Variants in GALNTL6 observed in about 807,000 individuals in gnomAD.
GALNTL6 encodes polypeptide N-acetylgalactosaminyltransferase-like 6.
Under a neutral mutation model 73.7 loss-of-function variants are expected in GALNTL6, and 46 were observed. That is an observed-to-expected ratio of 0.62 (90% confidence interval 0.49 to 0.80). The LOEUF is 0.80. GALNTL6 is among the 30% of genes least tolerant of loss of function. GALNTL6 has a pLI of 0.00. For synonymous variants in GALNTL6, 259 were observed against 263.7 expected, an observed-to-expected ratio of 0.98 and a Z score of 0.17; for missense variants, 604 against 755.0, an observed-to-expected ratio of 0.80 and a Z score of 2.34.
intron 5 of GALNTL6, among the ~76,000 whole-genome samples, chr4:172,432,831 C>G (rs1731505218): frequency 6.6e-6 from 1 of 151,896 alleles, no homozygotes; most frequent in Non-Finnish European, 1.5e-5. Context: ...AAAGAAGAAA[C>G]TGTTCAACAG....
intron 3 of GALNTL6, among the ~76,000 whole-genome samples, chr4:172,251,299 T>TG (rs2111014967): frequency 6.6e-6 from 1 of 152,234 alleles, no homozygotes; most frequent in African/African-American, 2.4e-5. Context: ...TTAAAGCAGG[T>TG]GGGGAGTAAT....
intron 5 of GALNTL6, among the ~76,000 whole-genome samples, chr4:172,633,576 A>G (rs570875431): frequency 6.6e-6 from 1 of 152,250 alleles, no homozygotes; most frequent in South Asian, 2.1e-4. Flanking sequence ...GCCTTGTCTC[A>G]GATAAGACTT....
chr4:172,368,595 T>C (rs1432895419), intron 5 of GALNTL6, among the ~76,000 whole-genome samples: 1 of 152,228 alleles, frequency 6.6e-6, no homozygotes, highest in Non-Finnish European at 1.5e-5. Context: ...TGTCAAGTGC[T>C]GTTGTGTCCG....
chr4:172,633,364 G>C (rs1739499791), intron 5 of GALNTL6, among the ~76,000 whole-genome samples: 1 of 152,222 alleles, frequency 6.6e-6, no homozygotes, highest in Admixed American at 6.5e-5. Context: ...GTAAGACATG[G>C]AGTCAAAGAC....
At chr4:172,346,144 ATC>A (rs1741730416) in intron 4 of GALNTL6, among the ~76,000 whole-genome samples, 1 of 152,206 alleles carries the variant, frequency 6.6e-6, no homozygotes, top group Non-Finnish European at 1.5e-5. Flanking sequence ...GCTAGAGCTT[ATC>A]TCTCATGAGC....
chr4:172,324,535 C>T lies in GALNTL6; in HGVS notation c.386+12783C>T, dbSNP rs201342775. Among the ~76,000 whole-genome samples the T allele has an allele frequency of 8.6e-4, 130 of 151,058 alleles. 2 individuals carry two copies. The South Asian group carries it at 0.016, about 18-fold the overall frequency. ...ACTGAAATAGACCAAAAAATTAAGTCGGAATATAGGAGATTTAAACAAAAT... is the reference window on the plus strand; with the variant it reads ...ACTGAAATAGACCAAAAAATTAAGTTGGAATATAGGAGATTTAAACAAAAT... On this transcript the variant is annotated intron_variant, in intron 4 of 12. Coordinates refer to ENST00000506823, the MANE Select transcript of GALNTL6 (RefSeq NM_001034845.3).
intron 8 of GALNTL6, among the ~76,000 whole-genome samples, chr4:172,914,969 C>G (rs1262455807): frequency 1.3e-5 from 2 of 152,208 alleles, no homozygotes; most frequent in Non-Finnish European, 2.9e-5. Flanking sequence ...CCACATCGCA[C>G]TTATTTCAAA....
chr4:172,855,774 C>A (rs911291810), intron 7 of GALNTL6, among the ~76,000 whole-genome samples: 1 of 152,202 alleles, frequency 6.6e-6, no homozygotes, highest in Non-Finnish European at 1.5e-5. Context: ...ACAGCTGTTT[C>A]CCGAGGCCAC....
chr4:173,016,157 T>A (rs1042889645), intron 11 of GALNTL6, among the ~76,000 whole-genome samples: 14 of 152,212 alleles, frequency 9.2e-5, no homozygotes, highest in Non-Finnish European at 1.8e-4. Context: ...TGCCTGGCTG[T>A]CCGGGCAGAG....
rs375320808 is a variant in GALNTL6 at position 172,400,171 on chromosome 4, G to A, written c.553+51482G>A. Among the ~76,000 whole-genome samples, 5 of 152,134 alleles carry A rather than the reference G, an allele frequency of 3.3e-5. No homozygotes were observed. In the East Asian group the frequency reaches 7.7e-4, roughly 24 times the overall value. On this transcript the variant is annotated intron_variant, in intron 5 of 12. Coordinates refer to ENST00000506823, the MANE Select transcript of GALNTL6 (RefSeq NM_001034845.3). ...TACTTGCTTTCTTTGTGTCCTTTTT[G>A]TCTAACAAATACATGCTTTGGTGCT... is the stretch of plus-strand genomic sequence containing the variant.
intron 2 of GALNTL6, among the ~76,000 whole-genome samples, chr4:171,886,840 T>C (rs1560826760): frequency 6.6e-6 from 1 of 152,044 alleles, no homozygotes; most frequent in Non-Finnish European, 1.5e-5. Context: ...GAGAATATAA[T>C]AATCCAGGAA....
Position 172,348,704 on chromosome 4 carries a change from A to G in GALNTL6, c.553+15A>G, listed in dbSNP as rs200534606. ...CAGTGAGAGAGGTAAGATACAGTTG[A>G]TAACATTTTATCTGATTCTGCTACC... On this transcript the variant is annotated intron_variant, in intron 5 of 12. Transcript: ENST00000506823. 4 of 1,555,512 alleles carry G rather than the reference A, an allele frequency of 2.6e-6. No individual in the cohort carries two copies. The highest frequency in any genetic ancestry group is 2.7e-5 in the African/African-American group (2 of 73,546).
At chr4:172,655,999 A>C (rs2111164300) in intron 5 of GALNTL6, among the ~76,000 whole-genome samples, 1 of 152,224 alleles carries the variant, frequency 6.6e-6, no homozygotes, top group East Asian at 1.9e-4. Context: ...GCCACATATT[A>C]TTAAAAATGC....
At chr4:172,752,450 A>G (rs973192004) in intron 5 of GALNTL6, among the ~76,000 whole-genome samples, 11 of 152,130 alleles carry the variant, frequency 7.2e-5, no homozygotes, top group Non-Finnish European at 8.8e-5. Context: ...TAAATAGTAA[A>G]TGTTATCTCA....
chr4:172,575,112 G>A (rs942233686), intron 5 of GALNTL6, among the ~76,000 whole-genome samples: 3 of 152,142 alleles, frequency 2.0e-5, no homozygotes, highest in African/African-American at 7.2e-5. Context: ...GTTATCAGGG[G>A]ATTCCTAGCC....
At chr4:171,818,541 A>G (rs1734587747) in intron 2 of GALNTL6, among the ~76,000 whole-genome samples, 1 of 151,236 alleles carries the variant, frequency 6.6e-6, no homozygotes, top group South Asian at 2.1e-4. Flanking sequence ...GAATGATTTT[A>G]GAAGCTTATA....
chr4:172,701,915 A>G lies in GALNTL6; in HGVS notation c.554-107446A>G, dbSNP rs538753998. 2.2e-4 allele frequency among the ~76,000 whole-genome samples: 33 copies of G among 152,260 alleles called. 1 individual carries two copies. In the South Asian group the frequency reaches 6.6e-3, roughly 31 times the overall value. ...GTTTTAAGAATTAACCGTTATGATT[A>G]ATATAAGCCTGAAATACAAAAATAA... On this transcript the variant is annotated intron_variant, in intron 5 of 12. Transcript: ENST00000506823.
chr4:172,132,377 AT>A (rs1474089155), intron 2 of GALNTL6, among the ~76,000 whole-genome samples: 1 of 152,108 alleles, frequency 6.6e-6, no homozygotes, highest in Non-Finnish European at 1.5e-5. Context: ...TTTAGATGAC[AT>A]TTTGTTTCTA....
At chr4:172,180,313 T>A (rs1680719474) in intron 2 of GALNTL6, among the ~76,000 whole-genome samples, 1 of 152,208 alleles carries the variant, frequency 6.6e-6, no homozygotes, top group African/African-American at 2.4e-5. Flanking sequence ...ATCTTGTAAA[T>A]TTGTTTAAGT....
Sources: allele counts gnomAD v4.1 joint callset (sites outside exome capture counted in the v4.1 genomes callset), GRCh38; gene constraint gnomAD v4.1.1; transcripts MANE v1.5; gene names NCBI Gene and HGNC (gene_info 2026-07-23, HGNC 2026-07-21).